The following AP1AR variants were observed in gnomAD, a reference collection of about 807,000 sequenced individuals.
AP1AR encodes AP-1 complex-associated regulatory protein.
Under a neutral mutation model 46.3 loss-of-function variants are expected in AP1AR, and 29 were observed. That is an observed-to-expected ratio of 0.63 (90% CI 0.47 to 0.85). The LOEUF is 0.85. Among genes scored for constraint, AP1AR ranks in the 40% least tolerant of loss-of-function variants. The probability of loss-of-function intolerance (pLI) is 0.00; values close to 1 mark genes in which losing one functional copy is unlikely to be tolerated. For missense variants in AP1AR, 357 were observed against 356.3 expected (o/e 1.00, Z -0.02); for synonymous variants, 122 against 122.9 (o/e 0.99, Z 0.05).
chr4:112,257,764 T>C lies in AP1AR; in HGVS notation c.160-8T>C. 1 of 1,562,036 alleles carries C rather than the reference T, an allele frequency of 6.4e-7. No homozygotes were observed. The highest frequency in any genetic ancestry group is 8.6e-7 in the Non-Finnish European group (1 of 1,158,796). On this transcript the variant is annotated splice_region_variant and splice_polypyrimidine_tract_variant and intron_variant, in intron 3 of 9. Coordinates refer to ENST00000274000, the MANE Select transcript of AP1AR (RefSeq NM_018569.6). The stretch of plus-strand genomic sequence containing the variant: ...TTTGTTTTAATTGTTTAATTAATTT[T>C]TGTACAGGGGGAGAGCCCAGGAAGC...
chr4:112,245,843 A>G (rs1261568647), intron 1 of AP1AR, among the ~76,000 whole-genome samples: 1 of 152,186 alleles, frequency 6.6e-6, no homozygotes, highest in Non-Finnish European at 1.5e-5. Flanking sequence ...CCTTTTTTTC[A>G]AATTGAAGAA....
Position 112,265,042 on chromosome 4 carries a change from C to T in AP1AR, c.415C>T (p.Pro139Ser), listed in dbSNP as rs116585845. 7.0e-3 allele frequency: 11,191 copies of T among 1,602,172 alleles called. 48 individuals are homozygous for T. The highest frequency in any genetic ancestry group is 8.3e-3 in the Non-Finnish European group (9,734 of 1,175,912). ...GCAGAGAATTGTGCAGCAATATCAT[C>T]CTTCCAACAATGGAGAATATCAAAG... ...ERQRIVQQYH[P>S]SNNGEYQSSG... Residue 139 changes from proline (P) to serine (S), a missense_variant, in exon 7 of 10, where the codon CCT (proline) becomes TCT (serine). Physicochemically the swap from Pro to Ser is moderately conservative, Grantham distance 74. This residue lies in a region of AP1AR where 269 missense variants were observed against 223.6 expected (regional missense o/e 1.20). Transcript: ENST00000274000.
At chr4:112,263,305 G>A (rs1210110196) in intron 6 of AP1AR, among the ~76,000 whole-genome samples, 2 of 152,138 alleles carry the variant, frequency 1.3e-5, no homozygotes, top group African/African-American at 2.4e-5. Flanking sequence ...ATGCTATTTA[G>A]CTTTAGATTA....
intron 1 of AP1AR, among the ~76,000 whole-genome samples, chr4:112,245,315 G>T (rs775505145): frequency 1.3e-5 from 2 of 152,066 alleles, no homozygotes; most frequent in Non-Finnish European, 2.9e-5. Flanking sequence ...CGCACTTTTA[G>T]ATTCCAGGCT....
At chr4:112,256,834 A>G (rs1026229916) in intron 3 of AP1AR, among the ~76,000 whole-genome samples, 28 of 152,356 alleles carry the variant, frequency 1.8e-4, no homozygotes, top group African/African-American at 6.5e-4. Flanking sequence ...AAGTTGCTGT[A>G]AATGCTAAAT....
chr4:112,246,316 G>C (rs979977518), intron 1 of AP1AR, among the ~76,000 whole-genome samples: 5 of 152,122 alleles, frequency 3.3e-5, no homozygotes, highest in Non-Finnish European at 7.4e-5. Context: ...GACCAGCCTG[G>C]CCAATATGGC....
chr4:112,249,031 G>A (rs574330398), intron 1 of AP1AR, among the ~76,000 whole-genome samples: 1 of 152,148 alleles, frequency 6.6e-6, no homozygotes, highest in Non-Finnish European at 1.5e-5. Flanking sequence ...GGTGGCTCAC[G>A]CCTGTAATCC....
At chr4:112,256,200 T>A (rs929343269) in intron 3 of AP1AR, among the ~76,000 whole-genome samples, 9 of 152,228 alleles carry the variant, frequency 5.9e-5, no homozygotes, top group African/African-American at 2.2e-4. Flanking sequence ...AATCCTTTTT[T>A]AAAATAATAA....
At chr4:112,246,559 G>A (rs115477329) in intron 1 of AP1AR, among the ~76,000 whole-genome samples, 1,939 of 152,254 alleles carry the variant, frequency 0.013, 23 homozygotes, top group Middle Eastern at 0.034. Flanking sequence ...TGGTGATTTC[G>A]TCATGTCCCA....
chr4:112,244,193 A>G lies in AP1AR; in HGVS notation c.84-9015A>G, dbSNP rs1725628434. Among the ~76,000 whole-genome samples, 3 of 152,344 alleles carry G rather than the reference A, an allele frequency of 2.0e-5. No homozygotes were observed. In the South Asian group the frequency reaches 6.2e-4, roughly 32 times the overall value. On this transcript the variant is annotated intron_variant, in intron 1 of 9. Coordinates refer to ENST00000274000, the MANE Select transcript of AP1AR (RefSeq NM_018569.6). ...ACCATTTTCATGGGTAAAAAGACTC[A>G]CTGTGCTTAAGATGTCCTCTGCCTA...
At chr4:112,262,552 G>A (rs1726499168) in intron 5 of AP1AR, among the ~76,000 whole-genome samples, 1 of 152,200 alleles carries the variant, frequency 6.6e-6, no homozygotes, top group Non-Finnish European at 1.5e-5. Flanking sequence ...GTGCATTGAT[G>A]TTAATTAGAT....
chr4:112,268,104 ATCTGT>A (rs1726781536), intron 9 of AP1AR, 35 bp from the exon 10 acceptor site: 6 of 1,489,118 alleles, frequency 4.0e-6, no homozygotes, highest in Non-Finnish European at 5.4e-6. Context: ...TAGCTTTATT[ATCTGT>A]TCTGAGATTT....
At chr4:112,249,571 C>T (rs1725865217) in intron 1 of AP1AR, among the ~76,000 whole-genome samples, 2 of 151,242 alleles carry the variant, frequency 1.3e-5, no homozygotes, top group Admixed American at 6.6e-5. Context: ...GCAGGAGAAT[C>T]GCTTGAACCT....
At position 112,232,123 on chromosome 4, in the gene AP1AR, G is replaced by C; in HGVS notation, c.32G>C (p.Gly11Ala). 4.6e-6 allele frequency: 6 copies of C among 1,300,796 alleles called. No individual in the cohort carries two copies. The South Asian group carries it at 9.8e-5, about 21-fold the overall frequency. The allele number at this position is 1,300,796 out of a possible 1,614,324, so 80.6% of individuals were successfully genotyped here. A position where few individuals can be genotyped will look rare whatever the true frequency, so the allele number is the denominator to read the frequency against. Residue 11 changes from glycine to alanine, a missense_variant, in exon 1 of 10, where the codon GGA (glycine) becomes GCA (alanine). Transcript: ENST00000274000. MGNCCWTQCFGLLRKEAGRLQ... is the reference protein window; with the variant it reads MGNCCWTQCFALLRKEAGRLQ... ...AACTGCTGCTGGACGCAGTGCTTCGGACTGCTTCGCAAGGAAGCGGGGCGG... is the reference window on the plus strand; with the variant it reads ...AACTGCTGCTGGACGCAGTGCTTCGCACTGCTTCGCAAGGAAGCGGGGCGG...
chr4:112,236,165 GTC>G lies in AP1AR; in HGVS notation c.83+3996_83+3997del, dbSNP rs563700540. 2.0e-5 allele frequency among the ~76,000 whole-genome samples: 3 copies of G among 151,698 alleles called. No individual in the cohort carries two copies. The South Asian group carries it at 6.2e-4, about 32-fold the overall frequency. The stretch of plus-strand genomic sequence containing the variant: ...ATTAAATCTCTATATATTATTTTCA[GTC>G]TCTCCTTAAACATACTGAACCTGTT... On this transcript the variant is annotated intron_variant, in intron 1 of 9. Transcript: ENST00000274000.
At chr4:112,252,597 G>T (rs1319664617) in intron 1 of AP1AR, among the ~76,000 whole-genome samples, 2 of 152,180 alleles carry the variant, frequency 1.3e-5, no homozygotes, top group Admixed American at 1.3e-4. Context: ...GAGCAGGAAA[G>T]AATGATTAAA....
At chr4:112,254,960 C>A (rs9884608) in intron 3 of AP1AR, 187 bp downstream of exon 3, 6 of 359,298 alleles carry the variant, frequency 1.7e-5, no homozygotes, top group Non-Finnish European at 2.4e-5. Context: ...AAAATAATTC[C>A]GAATTTTTTT....
At chr4:112,235,623 A>G (rs1203131725) in intron 1 of AP1AR, among the ~76,000 whole-genome samples, 2 of 152,110 alleles carry the variant, frequency 1.3e-5, no homozygotes, top group Admixed American at 6.6e-5. Context: ...TATATATATT[A>G]TATATATTAT....
intron 1 of AP1AR, among the ~76,000 whole-genome samples, chr4:112,240,590 G>A (rs1054464863): frequency 6.6e-6 from 1 of 152,158 alleles, no homozygotes; most frequent in Non-Finnish European, 1.5e-5. Context: ...AATGAATACA[G>A]TATCTTGAAT....
Sources: gnomAD v4.1 joint callset for allele counts (sites outside exome capture counted in the v4.1 genomes callset) on GRCh38, gnomAD v4.1.1 for gene constraint, gnomAD v4.1.1 regional missense constraint, MANE v1.5 for transcripts, NCBI Gene and HGNC (gene_info 2026-07-23, HGNC 2026-07-21) for gene names.